Variants in PTPRD observed in about 807,000 individuals in gnomAD.
PTPRD encodes protein tyrosine phosphatase receptor type D.
Under a neutral mutation model 214.5 loss-of-function variants are expected in PTPRD, and 34 were observed. That is an observed-to-expected ratio of 0.16 (90% CI 0.12 to 0.21). PTPRD has a LOEUF of 0.21. Ranked by LOEUF, PTPRD falls within the 10% of genes least tolerant of loss-of-function variation. The probability of loss-of-function intolerance (pLI) is 1.00; values close to 1 mark genes in which losing one functional copy is unlikely to be tolerated. For missense variants in PTPRD, 2,545 were observed against 2,398.7 expected (o/e 1.06, Z -1.27); for synonymous variants, 1,128 against 845.7 (o/e 1.33, Z -5.79).
In PTPRD at chr9:10,261,098, G is replaced by T. The variant is rs562981456; in HGVS notation, c.-545+79865C>A. Among the ~76,000 whole-genome samples, 139 of 147,142 alleles carry T rather than the reference G, an allele frequency of 9.4e-4. 1 individual carries two copies. The highest frequency in any genetic ancestry group is 1.5e-3 in the South Asian group (7 of 4,718). On this transcript the variant is annotated intron_variant, in intron 3 of 45. Transcript: ENST00000381196. ...ATATGTGTGTATATATATATATATA[G>T]AGAGAGAGTCACTTTTCTGAATAAA...
At chr9:9,329,715 A>G (rs12551223) in intron 9 of PTPRD, among the ~76,000 whole-genome samples, 18,474 of 152,258 alleles carry the variant, frequency 0.12, 1,690 homozygotes, top group East Asian at 0.47. Flanking sequence ...CCAGTTTACC[A>G]TTATGATTTA....
At chr9:8,911,096 C>T (rs573324762) in intron 11 of PTPRD, among the ~76,000 whole-genome samples, 3 of 152,154 alleles carry the variant, frequency 2.0e-5, no homozygotes, top group Admixed American at 6.5e-5. Flanking sequence ...AAAATGCTGG[C>T]AGGCATGTTT....
chr9:10,430,250 C>A (rs1381090988), intron 2 of PTPRD, among the ~76,000 whole-genome samples: 2 of 151,814 alleles, frequency 1.3e-5, no homozygotes, highest in Non-Finnish European at 2.9e-5. Flanking sequence ...CTTAACATTT[C>A]TCATTGCAGG....
intron 11 of PTPRD, among the ~76,000 whole-genome samples, chr9:8,917,885 T>C (rs1052134154): frequency 6.6e-6 from 1 of 152,214 alleles, no homozygotes; most frequent in African/African-American, 2.4e-5. Flanking sequence ...TAAAAGTTTA[T>C]TTTTCATGTG....
chr9:8,840,355 G>A (rs1472634875), intron 11 of PTPRD, among the ~76,000 whole-genome samples: 3 of 152,146 alleles, frequency 2.0e-5, no homozygotes, highest in African/African-American at 7.2e-5. Context: ...GAGTTCCCCT[G>A]CACAAACTCT....
intron 5 of PTPRD, among the ~76,000 whole-genome samples, chr9:9,843,562 C>G (rs1168799127): frequency 6.6e-6 from 1 of 151,298 alleles, no homozygotes; most frequent in Non-Finnish European, 1.5e-5. Flanking sequence ...CAAAATGAGC[C>G]CTCAGTAAAT....
At chr9:10,460,881 T>C (rs1286311072) in intron 2 of PTPRD, among the ~76,000 whole-genome samples, 6 of 151,778 alleles carry the variant, frequency 4.0e-5, no homozygotes, top group Admixed American at 6.6e-5. Context: ...AAAGCAAACA[T>C]AAATAAAAGA....
intron 2 of PTPRD, among the ~76,000 whole-genome samples, chr9:10,433,865 C>A (rs1012494823): frequency 2.8e-4 from 43 of 151,670 alleles, no homozygotes; most frequent in African/African-American, 9.9e-4. Context: ...TCTATAGGTT[C>A]TTTTAGTCTC....
In PTPRD at chr9:8,485,167, C is replaced by G. The variant is rs879067830; in HGVS notation, c.3153+60G>C. On this transcript the variant is annotated intron_variant, in intron 29 of 45. Transcript: ENST00000381196. ...CTGCTTGCTGTGCAAATAACTTACC[C>G]AGATAAACTGTCCCCTCTACTTTTA... is the stretch of plus-strand genomic sequence containing the variant. 1.4e-5 allele frequency: 20 copies of G among 1,424,840 alleles called. No homozygotes were observed. In the South Asian group the frequency reaches 1.9e-4, roughly 14 times the overall value. 88.3% of individuals were successfully genotyped at this position (1,424,840 alleles called of 1,614,324 possible).
chr9:9,179,997 C>G (rs1187519229), intron 10 of PTPRD, among the ~76,000 whole-genome samples: 1 of 151,940 alleles, frequency 6.6e-6, no homozygotes, highest in African/African-American at 2.4e-5. Context: ...ATACATTAAA[C>G]AAGAAAGCTC....
chr9:10,182,285 GA>G (rs888152055), intron 3 of PTPRD, among the ~76,000 whole-genome samples: 1 of 126,998 alleles, frequency 7.9e-6, no homozygotes, highest in Admixed American at 7.9e-5. Flanking sequence ...AAAAAGAAAA[GA>G]AAAAAGAAAG....
At chr9:9,587,938 C>G (rs192833410) in intron 7 of PTPRD, among the ~76,000 whole-genome samples, 1 of 151,622 alleles carries the variant, frequency 6.6e-6, no homozygotes, top group Non-Finnish European at 1.5e-5. Flanking sequence ...GTTGGTTAGC[C>G]GACTAAAGTG....
At chr9:8,978,750 A>C (rs1253630700) in intron 11 of PTPRD, among the ~76,000 whole-genome samples, 1 of 152,140 alleles carries the variant, frequency 6.6e-6, no homozygotes, top group Non-Finnish European at 1.5e-5. Context: ...CAATGGAGGA[A>C]ATAGTAGTTG....
chr9:9,737,705 G>A (rs2761726), intron 6 of PTPRD, among the ~76,000 whole-genome samples: 73,240 of 151,654 alleles, frequency 0.48, 20,681 homozygotes, highest in African/African-American at 0.78. Context: ...ATATTTCATC[G>A]AATGGATATA....
chr9:9,622,708 CAT>C (rs2095286886), intron 7 of PTPRD, among the ~76,000 whole-genome samples: 1 of 152,048 alleles, frequency 6.6e-6, no homozygotes, highest in African/African-American at 2.4e-5. Context: ...GTTAAAATAA[CAT>C]AGATATATTA....
chr9:8,371,008 G>C (rs919206451), intron 39 of PTPRD, among the ~76,000 whole-genome samples: 1 of 152,052 alleles, frequency 6.6e-6, no homozygotes, highest in Non-Finnish European at 1.5e-5. Context: ...CAGTTGGCAA[G>C]AAAGATTATT....
chr9:8,435,374 C>T (rs1415202158), intron 35 of PTPRD, among the ~76,000 whole-genome samples: 1 of 152,012 alleles, frequency 6.6e-6, no homozygotes, highest in African/African-American at 2.4e-5. Flanking sequence ...GCTGGTAGGT[C>T]CAGTGCAACT....
chr9:10,093,631 A>G (rs1313609205), intron 3 of PTPRD, among the ~76,000 whole-genome samples: 1 of 151,584 alleles, frequency 6.6e-6, no homozygotes, highest in Non-Finnish European at 1.5e-5. Context: ...TATCAAAAAG[A>G]CATATGTATT....
intron 11 of PTPRD, among the ~76,000 whole-genome samples, chr9:8,981,602 A>T (rs2099313063): frequency 6.6e-6 from 1 of 152,034 alleles, no homozygotes; most frequent in Non-Finnish European, 1.5e-5. Flanking sequence ...TTTTCTGTTA[A>T]TACAATAAAT....
Sources: gnomAD v4.1 joint callset for allele counts (sites outside exome capture counted in the v4.1 genomes callset) on GRCh38, gnomAD v4.1.1 for gene constraint, MANE v1.5 for transcripts, NCBI Gene and HGNC (gene_info 2026-07-23, HGNC 2026-07-21) for gene names.